The following SVIL variants were observed in gnomAD, a reference collection of about 807,000 sequenced individuals.
SVIL encodes the protein supervillin.
SVIL carries 101 observed loss-of-function variants against 240.4 expected under a neutral mutation model. The ratio of observed to expected loss-of-function variants is 0.42; its 90% CI spans 0.36 to 0.50. The LOEUF (loss-of-function observed/expected upper bound fraction) is 0.50, where lower values mean the gene tolerates loss of function less well. SVIL is among the 20% of genes least tolerant of loss of function. The pLI, the probability that SVIL is intolerant of heterozygous loss-of-function variation, is 0.01. For missense variants in SVIL, 2,512 were observed against 2,818.7 expected (o/e 0.89, Z 2.46); for synonymous variants, 999 against 1,100.0 (o/e 0.91, Z 1.82).
intron 6 of SVIL, among the ~76,000 whole-genome samples, chr10:29,538,124 C>T (rs1486711105): frequency 6.6e-6 from 1 of 152,182 alleles, no homozygotes; most frequent in African/African-American, 2.4e-5. Context: ...AATCTGCCGC[C>T]TTCACAGGGT....
intron 1 of SVIL, among the ~76,000 whole-genome samples, chr10:29,581,095 A>G (rs9664986): frequency 0.15 from 22,437 of 152,258 alleles, 1,720 homozygotes; most frequent in Admixed American, 0.23. Flanking sequence ...ATAAGCTACT[A>G]ATGATGATGG....
intron 1 of SVIL, among the ~76,000 whole-genome samples, chr10:29,626,161 A>C (rs1440116534): frequency 6.6e-6 from 1 of 152,190 alleles, no homozygotes; most frequent in Non-Finnish European, 1.5e-5. Context: ...TATATTTAAA[A>C]TTTGCCAAGA....
At chr10:29,636,786 G>GA (rs1958325163), upstream of SVIL, among the ~76,000 whole-genome samples, 1 of 151,820 alleles carries the variant, frequency 6.6e-6, no homozygotes, top group African/African-American at 2.4e-5. Context: ...ATCTTGCAAG[G>GA]TTTTTTTGTT....
intron 17 of SVIL, among the ~76,000 whole-genome samples, chr10:29,506,706 GGGAGGGGATAGAGACTCTACGAA>G (rs1219983073): frequency 1.3e-3 from 163 of 123,852 alleles, no homozygotes; most frequent in Middle Eastern, 8.5e-3. Flanking sequence ...GGCCCTACGA[GGGAGGGGATAGAGACTCTACGAA>G]GGAGGGGACA....
rs150511977 is a variant in SVIL, at chr10:29,471,191, C to G, written c.5582G>C (p.Gly1861Ala). 5.6e-6 allele frequency: 9 copies of G among 1,613,822 alleles called. 1 individual carries two copies. In the Middle Eastern group the frequency reaches 4.9e-4, roughly 88 times the overall value. Residue 1861 changes from glycine (G) to alanine (A), a missense_variant, in exon 31 of 38, where the codon GGG becomes GCG. By Grantham distance (60) the Gly-to-Ala change is moderately conservative. Transcript: ENST00000355867. ...EPPCFLQCFQGGMVVHSGRRE... is the reference protein window; with the variant it reads ...EPPCFLQCFQAGMVVHSGRRE... ...CCTCCCCGAGTGCACCACCATCCCC[C>G]CCTGGAAACACTGCAGGAAACAGGG... is the stretch of plus-strand genomic sequence containing the variant.
chr10:29,630,929 G>T (rs756602886), intron 1 of SVIL, among the ~76,000 whole-genome samples: 1 of 152,124 alleles, frequency 6.6e-6, no homozygotes, highest in Non-Finnish European at 1.5e-5. Context: ...TAGACCCTGG[G>T]GGTGGTAAGA....
intron 2 of SVIL, among the ~76,000 whole-genome samples, chr10:29,565,724 T>TAA (rs10657810): frequency 0.43 from 63,502 of 146,772 alleles, 13,524 homozygotes; most frequent in African/African-American, 0.47. Context: ...ATCCCATCTC[T>TAA]AAAAAAAAAA....
chr10:29,476,651 C>T (rs1946226250), intron 29 of SVIL, among the ~76,000 whole-genome samples: 1 of 152,168 alleles, frequency 6.6e-6, no homozygotes, highest in East Asian at 1.9e-4. Context: ...GTGATTTTCC[C>T]ACCTCAGCTT....
chr10:29,687,425 T>C (rs1961159163), intron 1 of SVIL, among the ~76,000 whole-genome samples: 2 of 152,216 alleles, frequency 1.3e-5, no homozygotes, highest in Admixed American at 1.3e-4. Flanking sequence ...GGTGAGGTGG[T>C]TCATGCCTGT....
At chr10:29,547,096 T>G (rs566093599) in intron 6 of SVIL, among the ~76,000 whole-genome samples, 40 of 152,324 alleles carry the variant, frequency 2.6e-4, no homozygotes, top group African/African-American at 9.6e-4. Context: ...CCACATATTT[T>G]TTTTGGTTCA....
rs1202633954 is a variant in SVIL, at chr10:29,533,024, GCTT to G, written c.1340_1342del (p.Glu447del). 4 of 1,614,096 alleles carry G rather than the reference GCTT, an allele frequency of 2.5e-6. No individual in the cohort carries two copies. The highest frequency in any genetic ancestry group is 3.4e-6 in the Non-Finnish European group (4 of 1,180,028). On this transcript the variant is annotated inframe_deletion, in exon 8 of 38. Transcript: ENST00000355867. ...TAGGGTTTTCTTGCTTTGCTCGAGA[GCTT>G]CAGTGAAGCACACATCTTCTTCTTT...
intron 2 of SVIL, among the ~76,000 whole-genome samples, chr10:29,664,891 A>C (rs1959201974): frequency 6.6e-6 from 1 of 152,098 alleles, no homozygotes; most frequent in South Asian, 2.1e-4. Flanking sequence ...ACAATCATAT[A>C]AGTGTATTTT....
intron 2 of SVIL, among the ~76,000 whole-genome samples, chr10:29,663,714 C>T (rs949756496): frequency 1.1e-4 from 17 of 152,198 alleles, no homozygotes; most frequent in African/African-American, 3.9e-4. Flanking sequence ...CATTTTTTAT[C>T]AGCGGGACTC....
upstream of SVIL, among the ~76,000 whole-genome samples, chr10:29,635,881 G>A (rs945827635): frequency 2.0e-5 from 3 of 152,128 alleles, no homozygotes; most frequent in African/African-American, 4.8e-5. Flanking sequence ...GCCTCCCAGT[G>A]GTATGCCTCT....
At chr10:29,662,252 C>T (rs867746138) in intron 2 of SVIL, among the ~76,000 whole-genome samples, 18 of 152,162 alleles carry the variant, frequency 1.2e-4, no homozygotes, top group South Asian at 2.1e-4. Context: ...CCTGGATGCC[C>T]CCAGTTTCCA....
chr10:29,581,859 A>G (rs1277695602), intron 1 of SVIL, among the ~76,000 whole-genome samples: 1 of 152,252 alleles, frequency 6.6e-6, no homozygotes, highest in Non-Finnish European at 1.5e-5. Flanking sequence ...CTGAATATAC[A>G]TATGATGGAA....
At chr10:29,467,067 G>A (rs2132293095) in intron 33 of SVIL, among the ~76,000 whole-genome samples, 1 of 152,282 alleles carries the variant, frequency 6.6e-6, no homozygotes, top group East Asian at 1.9e-4. Context: ...CTATATGTAA[G>A]GTGCTGGCTG....
intron 1 of SVIL, among the ~76,000 whole-genome samples, chr10:29,578,627 C>T (rs1479565646): frequency 6.6e-6 from 1 of 152,214 alleles, no homozygotes; most frequent in African/African-American, 2.4e-5. Context: ...ACCAATCACA[C>T]CTTTCCTGCT....
At chr10:29,589,638 A>G (rs1220972244) in intron 1 of SVIL, among the ~76,000 whole-genome samples, 1 of 152,164 alleles carries the variant, frequency 6.6e-6, no homozygotes, top group East Asian at 1.9e-4. Flanking sequence ...AAGAAAAGAA[A>G]ACGAGGTGAG....
Sources: allele counts gnomAD v4.1 joint callset (sites outside exome capture counted in the v4.1 genomes callset), GRCh38; gene constraint gnomAD v4.1.1; transcripts MANE v1.5; gene names NCBI Gene and HGNC (gene_info 2026-07-23, HGNC 2026-07-21).